Variants in KLHL29 observed in about 807,000 individuals in gnomAD.
KLHL29 encodes the protein kelch-like protein 29.
A neutral mutation model predicts 80.4 loss-of-function variants in KLHL29; 21 were observed. The ratio of observed to expected loss-of-function variants is 0.26; its 90% CI spans 0.19 to 0.38. KLHL29 has a LOEUF of 0.38. Ranked by LOEUF, KLHL29 falls within the 10% of genes least tolerant of loss-of-function variation. The pLI, the probability that KLHL29 is intolerant of heterozygous loss-of-function variation, is 1.00. For synonymous variants in KLHL29, 511 were observed against 526.8 expected, an observed-to-expected ratio of 0.97 and a Z score of 0.41; for missense variants, 867 against 1,223.9, an observed-to-expected ratio of 0.71 and a Z score of 4.35.
chr2:23,658,616 G>A (rs566420586), intron 5 of KLHL29, among the ~76,000 whole-genome samples: 2 of 152,358 alleles, frequency 1.3e-5, no homozygotes, highest in South Asian at 4.1e-4. Flanking sequence ...CTCGTTGTCT[G>A]TCATGGGAGG....
At chr2:23,427,256 A>G (rs1481618716) in intron 1 of KLHL29, among the ~76,000 whole-genome samples, 2 of 152,184 alleles carry the variant, frequency 1.3e-5, no homozygotes, top group African/African-American at 4.8e-5. Context: ...GGCGTTCTAT[A>G]TTTACACCAA....
At chr2:23,604,609 T>C (rs1668658371) in intron 3 of KLHL29, among the ~76,000 whole-genome samples, 1 of 152,080 alleles carries the variant, frequency 6.6e-6, no homozygotes, top group South Asian at 2.1e-4. Context: ...GACACTACCA[T>C]GTCCTGAGAG....
chr2:23,619,318 A>C (rs1047714344), intron 3 of KLHL29, among the ~76,000 whole-genome samples: 1 of 152,168 alleles, frequency 6.6e-6, no homozygotes, highest in African/African-American at 2.4e-5. Context: ...TGCAGTGTGA[A>C]GGGTCTGGTT....
chr2:23,456,602 T>C (rs1664058212), intron 1 of KLHL29, among the ~76,000 whole-genome samples: 2 of 152,256 alleles, frequency 1.3e-5, no homozygotes, highest in Non-Finnish European at 2.9e-5. Context: ...CCGCGCCAGC[T>C]CTGCGGGGTT....
chr2:23,593,881 T>G (rs1010155023), intron 3 of KLHL29, among the ~76,000 whole-genome samples: 15 of 152,280 alleles, frequency 9.9e-5, no homozygotes, highest in Non-Finnish European at 2.2e-4. Flanking sequence ...CCTACGTGCT[T>G]GTTGTCCACA....
chr2:23,500,057 T>C (rs990673738), intron 2 of KLHL29, among the ~76,000 whole-genome samples: 4 of 152,236 alleles, frequency 2.6e-5, no homozygotes, highest in African/African-American at 4.8e-5. Flanking sequence ...CAGCAGGCCC[T>C]GTGCTGTCCG....
At chr2:23,637,045 C>A (rs184910037) in intron 3 of KLHL29, among the ~76,000 whole-genome samples, 2 of 152,082 alleles carry the variant, frequency 1.3e-5, no homozygotes, top group Admixed American at 1.3e-4. Flanking sequence ...GGATCCCACA[C>A]GGTGGAGAGG....
intron 1 of KLHL29, among the ~76,000 whole-genome samples, chr2:23,468,172 C>G (rs62125382): frequency 0.075 from 11,437 of 152,024 alleles, 707 homozygotes; most frequent in African/African-American, 0.17. Flanking sequence ...GAGGCAGGGA[C>G]TGGGAGTGGA....
At chr2:23,467,833 C>T (rs1372580610) in intron 1 of KLHL29, among the ~76,000 whole-genome samples, 1 of 152,000 alleles carries the variant, frequency 6.6e-6, no homozygotes, top group Non-Finnish European at 1.5e-5. Flanking sequence ...CAGTGTGAAA[C>T]CAACCCAGCA....
At chr2:23,548,353 GCACACACACAGGCACACACAGA>G (rs913619390) in intron 2 of KLHL29, among the ~76,000 whole-genome samples, 1 of 149,860 alleles carries the variant, frequency 6.7e-6, no homozygotes, top group African/African-American at 2.5e-5. Flanking sequence ...AGGCACACAG[GCACACACACAGGCACACACAGA>G]CACACAGACA....
At chr2:23,504,344 G>A (rs559795917) in intron 2 of KLHL29, among the ~76,000 whole-genome samples, 4 of 152,318 alleles carry the variant, frequency 2.6e-5, no homozygotes, top group South Asian at 2.1e-4. Context: ...TTAGCATTCC[G>A]GAGTTTTCAG....
intron 2 of KLHL29, among the ~76,000 whole-genome samples, chr2:23,560,351 A>T (rs1667418914): frequency 7.6e-6 from 1 of 131,664 alleles, no homozygotes; most frequent in Non-Finnish European, 1.5e-5. Context: ...GCTCACTGCA[A>T]CCTCTGCCTC....
In KLHL29 at chr2:23,669,033, C is replaced by T. The variant is rs575538234; in HGVS notation, c.941-15366C>T. ...TGGGCCGAGCAGCACCTTCCTCATCCCTGGGCCGGGGGCTGTGGAGTCTAG... is the reference window on the plus strand; with the variant it reads ...TGGGCCGAGCAGCACCTTCCTCATCTCTGGGCCGGGGGCTGTGGAGTCTAG... On this transcript the variant is annotated intron_variant, in intron 5 of 13. Coordinates refer to ENST00000486442, the MANE Select transcript of KLHL29 (RefSeq NM_052920.2). This position sits in a 1 kb window ranked among gnomAD's most constrained non-coding sequence, Gnocchi z 4.3. The T allele has an allele frequency of 7.6e-4, 116 of 152,466 alleles. No homozygotes were observed. The highest frequency in any genetic ancestry group is 2.7e-3 in the African/African-American group (111 of 41,546). 9.4% of individuals were successfully genotyped at this position (152,466 alleles called of 1,614,324 possible).
rs1217422868 is a variant in KLHL29 at position 23,597,309 on chromosome 2, ATGTGTGTG to A, written c.285+34858_285+34865del. On this transcript the variant is annotated intron_variant, in intron 3 of 13. Coordinates refer to ENST00000486442, the MANE Select transcript of KLHL29 (RefSeq NM_052920.2). Reference sequence around the variant, plus strand: ...CTCTCTCTCTCTCATATATATATATATGTGTGTGTGTGTGTGTGTGTGTGTGTGTGTGT... The same window carrying A: ...CTCTCTCTCTCTCATATATATATATATGTGTGTGTGTGTGTGTGTGTGTGT... Among the ~76,000 whole-genome samples the A allele has an allele frequency of 1.2e-3, 125 of 100,512 alleles. 1 individual carries two copies. The highest frequency in any genetic ancestry group is 9.4e-3 in the Middle Eastern group (2 of 212). The allele number at this position is 100,512 out of a possible 152,430, so 65.9% of individuals were successfully genotyped here.
At chr2:23,434,172 T>C (rs1331379038) in intron 1 of KLHL29, among the ~76,000 whole-genome samples, 2 of 151,692 alleles carry the variant, frequency 1.3e-5, no homozygotes, top group East Asian at 1.9e-4. Flanking sequence ...ATACAAAAAA[T>C]TAGCCGGGCG....
intron 1 of KLHL29, among the ~76,000 whole-genome samples, chr2:23,400,169 C>T (rs1053167406): frequency 3.9e-5 from 6 of 152,166 alleles, no homozygotes; most frequent in African/African-American, 1.4e-4. Context: ...GTGATAGCTG[C>T]CACACCCTTC....
intron 5 of KLHL29, among the ~76,000 whole-genome samples, chr2:23,673,140 C>T (rs1209638109): frequency 6.6e-6 from 1 of 152,128 alleles, no homozygotes; most frequent in Admixed American, 6.5e-5. Flanking sequence ...CATGCCAGGC[C>T]TCATGCTCAC....
intron 3 of KLHL29, among the ~76,000 whole-genome samples, chr2:23,582,897 G>A (rs1343470884): frequency 6.6e-6 from 1 of 152,164 alleles, no homozygotes; most frequent in African/African-American, 2.4e-5. Flanking sequence ...TAGGGTCTTT[G>A]CAGAGGTAAC....
chr2:23,429,127 C>T (rs1458430309), intron 1 of KLHL29, among the ~76,000 whole-genome samples: 1 of 152,250 alleles, frequency 6.6e-6, no homozygotes. Context: ...CACCAGCCTG[C>T]ACTTGGGTAC....
Sources: gnomAD v4.1 joint callset for allele counts (sites outside exome capture counted in the v4.1 genomes callset) on GRCh38, gnomAD v4.1.1 for gene constraint, Gnocchi (gnomAD v3.1) non-coding constraint, MANE v1.5 for transcripts, NCBI Gene and HGNC (gene_info 2026-07-23, HGNC 2026-07-21) for gene names.